The following DOCK7 variants were observed in gnomAD, a reference collection of about 807,000 sequenced individuals.
DOCK7 encodes dedicator of cytokinesis protein 7.
In DOCK7, 138 loss-of-function variants were observed where a neutral mutation model predicts 271.0. The ratio of observed to expected loss-of-function variants is 0.51; its 90% CI spans 0.44 to 0.59. The LOEUF (loss-of-function observed/expected upper bound fraction) is 0.59. Ranked by LOEUF, DOCK7 falls within the 20% of genes least tolerant of loss-of-function variation. DOCK7 has a pLI of 0.00. For missense variants in DOCK7, 2,066 were observed against 2,592.4 expected (o/e 0.80, Z 4.41); for synonymous variants, 823 against 876.1 (o/e 0.94, Z 1.07).
Position 62,567,109 on chromosome 1 carries a change from T to C in DOCK7, c.2113-5406A>G, listed in dbSNP as rs141198729. Among the ~76,000 whole-genome samples the C allele has an allele frequency of 3.9e-3, 587 of 152,318 alleles. 6 individuals carry two copies. Among genetic ancestry groups the C allele is most frequent in the African/African-American group, 0.013 (532 of 41,572 alleles). ...TTTGCACTGTTGGTGGGAGTGTAAA[T>C]TAGTTCAACCATTGTGGAAGGCAGT... is the stretch of plus-strand genomic sequence containing the variant. On this transcript the variant is annotated intron_variant, in intron 18 of 49. Coordinates refer to ENST00000635253, the MANE Select transcript of DOCK7 (RefSeq NM_001367561.1).
intron 43 of DOCK7, chr1:62,482,805 C>T (rs1646166821): frequency 6.6e-6 from 1 of 152,240 alleles, no homozygotes; most frequent in South Asian, 2.1e-4. Context: ...ATTTCATCCT[C>T]TACTGCAATT....
In DOCK7 at chr1:62,455,281, T is replaced by C. The variant is rs1410238295; in HGVS notation, c.*133A>G. ...AGCGTTAACAATCTACATTTGATAT[T>C]TTCTTGGCCACTGCATTCTTCAATG... On this transcript the variant is annotated 3_prime_UTR_variant, in exon 50 of 50. Coordinates refer to ENST00000635253, the MANE Select transcript of DOCK7 (RefSeq NM_001367561.1). 2 of 913,168 alleles carry C rather than the reference T, an allele frequency of 2.2e-6. No individual in the cohort carries two copies. Among genetic ancestry groups the C allele is most frequent in the South Asian group, 2.8e-5 (2 of 72,086 alleles). The allele number at this position is 913,168 out of a possible 1,614,324, so 56.6% of individuals were successfully genotyped here.
chr1:62,671,738 T>C (rs540379435), intron 1 of DOCK7, among the ~76,000 whole-genome samples: 11 of 152,152 alleles, frequency 7.2e-5, no homozygotes, highest in Non-Finnish European at 1.5e-4. Flanking sequence ...TGTAATCTGG[T>C]AAAGTAAAAA....
chr1:62,558,323 A>T (rs1646214434), intron 20 of DOCK7, among the ~76,000 whole-genome samples: 1 of 152,078 alleles, frequency 6.6e-6, no homozygotes, highest in South Asian at 2.1e-4. Context: ...ATCTCCCCTA[A>T]AAAAACTCAA....
intron 31 of DOCK7, among the ~76,000 whole-genome samples, chr1:62,521,918 G>A (rs906341768): frequency 6.6e-5 from 10 of 152,166 alleles, no homozygotes; most frequent in African/African-American, 2.2e-4. Flanking sequence ...GGAGGTTGCA[G>A]TGGGCCGAGA....
chr1:62,537,849 A>C, intron 28 of DOCK7, 42 bp downstream of exon 28: 2 of 1,558,824 alleles, frequency 1.3e-6, no homozygotes, highest in East Asian at 2.3e-5. Flanking sequence ...ATTCTTCACA[A>C]AAGTGACTTT....
intron 35 of DOCK7, among the ~76,000 whole-genome samples, chr1:62,506,913 C>T (rs1186930719): frequency 6.6e-6 from 1 of 151,000 alleles, no homozygotes; most frequent in Non-Finnish European, 1.5e-5. Context: ...CGCCACTGCA[C>T]TCCAGCCTGG....
At chr1:62,608,423 T>C (rs1651317046) in intron 14 of DOCK7, 2 of 152,194 alleles carry the variant, frequency 1.3e-5, no homozygotes, top group South Asian at 4.1e-4. Context: ...CACACATTTC[T>C]GATTGGCTAG....
chr1:62,607,003 TCTGACCAGC>T (rs74315121), intron 14 of DOCK7, among the ~76,000 whole-genome samples: 1,755 of 152,036 alleles, frequency 0.012, 16 homozygotes, highest in Non-Finnish European at 0.016. Flanking sequence ...AGGTCAGGAG[TCTGACCAGC>T]CTGACCAATA....
Position 62,586,495 on chromosome 1 carries a change from A to T in DOCK7, c.1800+12T>A. The T allele has an allele frequency of 6.4e-7, 1 of 1,559,812 alleles. No individual in the cohort carries two copies. The highest frequency in any genetic ancestry group is 8.7e-7 in the Non-Finnish European group (1 of 1,143,850). On this transcript the variant is annotated intron_variant, in intron 15 of 49. Transcript: ENST00000635253. ...ATACAAAAAATTAGAAAAGTAAAAGAACATTTCTTACCGGCATGGCATTGC... is the reference window on the plus strand; with the variant it reads ...ATACAAAAAATTAGAAAAGTAAAAGTACATTTCTTACCGGCATGGCATTGC...
At chr1:62,474,513 T>C (rs750263927) in intron 47 of DOCK7, among the ~76,000 whole-genome samples, 1 of 152,232 alleles carries the variant, frequency 6.6e-6, no homozygotes, top group Non-Finnish European at 1.5e-5. Context: ...TTAAAGAAGA[T>C]AATCTTTTGT....
At chr1:62,621,350 A>G (rs1424866450) in intron 12 of DOCK7, among the ~76,000 whole-genome samples, 2 of 152,234 alleles carry the variant, frequency 1.3e-5, no homozygotes, top group African/African-American at 4.8e-5. Context: ...TTTAATGTTA[A>G]TATTTTTTCT....
At chr1:62,631,170 G>A in intron 11 of DOCK7, 70 bp downstream of exon 11, 1 of 1,418,852 alleles carries the variant, frequency 7.0e-7, no homozygotes, top group Non-Finnish European at 9.5e-7. Context: ...AGGCCATAGA[G>A]CGAAACTCCA....
chr1:62,461,727 A>AAAAT (rs1645534783), intron 48 of DOCK7, among the ~76,000 whole-genome samples: 1 of 149,592 alleles, frequency 6.7e-6, no homozygotes. Context: ...AAAATAAAAT[A>AAAAT]AAAGTCAACT....
At chr1:62,481,510 A>G (rs1050588221) in intron 43 of DOCK7, 4 of 152,060 alleles carry the variant, frequency 2.6e-5, no homozygotes, top group South Asian at 2.1e-4. Flanking sequence ...AGAGCTTTGG[A>G]CCACAGGATG....
At chr1:62,618,974 A>T (rs1338408123) in intron 13 of DOCK7, 106 bp from the exon 14 acceptor site, 56 of 1,014,790 alleles carry the variant, frequency 5.5e-5, no homozygotes, top group Non-Finnish European at 4.1e-5. Context: ...TCTGGGAAGA[A>T]TATTACAGAA....
At chr1:62,607,142 G>T (rs759732745) in intron 14 of DOCK7, among the ~76,000 whole-genome samples, 17 of 152,128 alleles carry the variant, frequency 1.1e-4, no homozygotes, top group Non-Finnish European at 2.4e-4. Context: ...GGAGGCGGAG[G>T]TTGCAGTGAG....
chr1:62,612,168 A>G (rs1384300961), intron 14 of DOCK7, among the ~76,000 whole-genome samples: 1 of 152,054 alleles, frequency 6.6e-6, no homozygotes, highest in East Asian at 1.9e-4. Flanking sequence ...ACAAACACAC[A>G]AAAAAGTCCT....
At position 62,455,326 on chromosome 1, in the gene DOCK7, C is replaced by A. The variant is rs1342515274; in HGVS notation, c.*88G>T. The stretch of plus-strand genomic sequence containing the variant: ...TCAATGAATAATAATTTCCAGAATT[C>A]CATTCCATGTTGTTTTCCAATAGAT... On this transcript the variant is annotated 3_prime_UTR_variant, in exon 50 of 50. Transcript: ENST00000635253. 1 of 1,390,826 alleles carries A rather than the reference C, an allele frequency of 7.2e-7. No homozygotes were observed. Among genetic ancestry groups the A allele is most frequent in the African/African-American group, 1.4e-5 (1 of 70,144 alleles). 86.2% of individuals were successfully genotyped at this position (1,390,826 alleles called of 1,614,324 possible). A position where few individuals can be genotyped will look rare whatever the true frequency, so the allele number is the denominator to read the frequency against.
Sources: gnomAD v4.1 joint callset for allele counts (sites outside exome capture counted in the v4.1 genomes callset) on GRCh38, gnomAD v4.1.1 for gene constraint, MANE v1.5 for transcripts, NCBI Gene and HGNC (gene_info 2026-07-23, HGNC 2026-07-21) for gene names.